The following COL2A1 variants were observed in gnomAD, a reference collection of about 807,000 sequenced individuals.
COL2A1 encodes the protein collagen type II alpha 1 chain, also known as collagen alpha-1(II) chain.
COL2A1 carries 28 observed loss-of-function variants against 204.5 expected under a neutral mutation model. The ratio of observed to expected loss-of-function variants is 0.14; its 90% CI spans 0.10 to 0.19. The LOEUF (loss-of-function observed/expected upper bound fraction) is 0.19. COL2A1 is among the 10% of genes least tolerant of loss of function. The pLI, the probability that COL2A1 is intolerant of heterozygous loss-of-function variation, is 1.00. For missense variants in COL2A1, 1,388 were observed against 2,027.5 expected, an observed-to-expected ratio of 0.68 and a Z score of 6.06; for synonymous variants, 708 against 718.7, an observed-to-expected ratio of 0.99 and a Z score of 0.24.
At chr12:47,996,079 G>A (rs537115948) in intron 8 of COL2A1, among the ~76,000 whole-genome samples, 160 bp from the exon 9 acceptor site, 67 of 152,226 alleles carry the variant, frequency 4.4e-4, no homozygotes, top group Admixed American at 4.6e-4. Context: ...CACTCCCCAC[G>A]CAACACTCTA....
At chr12:47,996,952 C>A (rs188054003) in intron 7 of COL2A1, among the ~76,000 whole-genome samples, 1 of 152,136 alleles carries the variant, frequency 6.6e-6, no homozygotes, top group Non-Finnish European at 1.5e-5. Context: ...CATAACCAAA[C>A]CTTCTAAGGG....
intron 30 of COL2A1, 35 bp from the exon 31 acceptor site, chr12:47,983,473 T>G: frequency 6.2e-7 from 1 of 1,604,232 alleles, no homozygotes; most frequent in Non-Finnish European, 8.5e-7. Context: ...AGCAAAGGAG[T>G]GAGTTTGCTG....
In COL2A1 at chr12:47,979,495, C is replaced by G. The variant is rs1938916640; in HGVS notation, c.2733+16G>C. 6.2e-7 allele frequency: 1 copy of G among 1,613,520 alleles called. No homozygotes were observed. The highest frequency in any genetic ancestry group is 8.5e-7 in the Non-Finnish European group (1 of 1,179,898). ...CCATGCCTGCCTGTGCCTCTCATGC[C>G]AGGAGCATCACTTACATTGGAGCCT... On this transcript the variant is annotated intron_variant, in intron 41 of 53. Coordinates refer to ENST00000380518, the MANE Select transcript of COL2A1 (RefSeq NM_001844.5).
In COL2A1 at chr12:48,004,225, G is replaced by A. The variant is rs1940367755; in HGVS notation, c.85+12C>T. The A allele has an allele frequency of 1.3e-6, 2 of 1,538,514 alleles. No homozygotes were observed. The highest frequency in any genetic ancestry group is 1.4e-5 in the African/African-American group (1 of 72,770). On this transcript the variant is annotated intron_variant, in intron 1 of 53. Coordinates refer to ENST00000380518, the MANE Select transcript of COL2A1 (RefSeq NM_001844.5). ...AAAGCAGGCAGGCAGGCAGGGGCGG[G>A]GGAAGACTTACGGACATCCTGGCCC...
At chr12:48,001,620 G>A (rs909578381) in intron 1 of COL2A1, among the ~76,000 whole-genome samples, 1 of 152,202 alleles carries the variant, frequency 6.6e-6, no homozygotes, top group Non-Finnish European at 1.5e-5. Context: ...AGGGCGGCCC[G>A]GGAAGCGCCG....
chr12:47,998,441 A>G lies in COL2A1; in HGVS notation c.293-10T>C, dbSNP rs2226945. ...TTTGGTCCTGGTTGCCCTGCAAGGG[A>G]AAAAATATAGAGAAGAAGAAGGTAA... On this transcript the variant is annotated splice_polypyrimidine_tract_variant and intron_variant, in intron 2 of 53. Coordinates refer to ENST00000380518, the MANE Select transcript of COL2A1 (RefSeq NM_001844.5). 1.9e-6 allele frequency: 3 copies of G among 1,610,024 alleles called. No homozygotes were observed. The highest frequency in any genetic ancestry group is 2.5e-6 in the Non-Finnish European group (3 of 1,177,220).
intron 16 of COL2A1, 49 bp from the exon 17 acceptor site, chr12:47,989,854 C>T (rs1277449213): frequency 2.5e-5 from 39 of 1,566,630 alleles, no homozygotes; most frequent in Admixed American, 1.2e-4. Flanking sequence ...AGGCCCTGTC[C>T]GTCCCTGCTC....
In COL2A1 at chr12:47,992,934, G is replaced by A; in HGVS notation, c.970-3C>T. On this transcript the variant is annotated splice_polypyrimidine_tract_variant and splice_region_variant and intron_variant, in intron 15 of 53. Transcript: ENST00000380518. ...TCACCAGGCAGGCCACGAGGACCCTGGAACACACACCAGGACAGCCTAAGC... is the reference window on the plus strand; with the variant it reads ...TCACCAGGCAGGCCACGAGGACCCTAGAACACACACCAGGACAGCCTAAGC... 3.1e-6 allele frequency: 5 copies of A among 1,614,208 alleles called. No homozygotes were observed. The highest frequency in any genetic ancestry group is 2.2e-5 in the East Asian group (1 of 44,890).
rs1329936485 is a variant in COL2A1, at chr12:47,976,153, C to G, written c.3490-83G>C. ...CGCTGGGGCTGGGTAGGTGGCTGTC[C>G]TGATAGCACCAGCCACTCCGCCCCC... On this transcript the variant is annotated intron_variant, in intron 49 of 53. Coordinates refer to ENST00000380518, the MANE Select transcript of COL2A1 (RefSeq NM_001844.5). This position sits in a 1 kb window ranked among gnomAD's most constrained non-coding sequence, Gnocchi z 4.3. 2.0e-5 allele frequency: 19 copies of G among 943,402 alleles called. No homozygotes were observed. The highest frequency in any genetic ancestry group is 1.8e-6 in the Non-Finnish European group (1 of 570,924). 58.4% of individuals were successfully genotyped at this position (943,402 alleles called of 1,614,324 possible).
chr12:47,977,430 G>A lies in COL2A1; in HGVS notation c.3166-3C>T, dbSNP rs937072086. ...GCACCAGTCTCACCACGATCACCCT[G>A]TCAGGAGAGAGGTCTCAGGCTCAGA... On this transcript the variant is annotated splice_region_variant and splice_polypyrimidine_tract_variant and intron_variant, in intron 45 of 53. Transcript: ENST00000380518. 1.2e-6 allele frequency: 2 copies of A among 1,611,126 alleles called. No individual in the cohort carries two copies. Among genetic ancestry groups the A allele is most frequent in the East Asian group, 4.5e-5 (2 of 44,854 alleles).
chr12:47,981,492 G>T (rs1222149831), intron 36 of COL2A1, 96 bp from the exon 37 acceptor site: 3 of 1,114,590 alleles, frequency 2.7e-6, no homozygotes, highest in East Asian at 5.1e-5. Context: ...CTCGTGGGAA[G>T]GGGGCTCCAG....
chr12:47,976,670 C>T lies in COL2A1; in HGVS notation c.3436-103G>A. ...TTTATGTCCCAGCCCCATTCCCTTT[C>T]CACTTCCTCCTCCCTCCAGCCCTGA... On this transcript the variant is annotated intron_variant, in intron 48 of 53. Transcript: ENST00000380518. This position sits in a 1 kb window ranked among gnomAD's most constrained non-coding sequence, Gnocchi z 4.3. The T allele has an allele frequency of 7.2e-7, 1 of 1,389,080 alleles. No homozygotes were observed. 86.0% of individuals were successfully genotyped at this position (1,389,080 alleles called of 1,614,324 possible).
Position 48,004,447 on chromosome 12 carries a change from G to C in COL2A1, c.-126C>G, listed in dbSNP as rs944198151. The C allele has an allele frequency of 1.7e-6, 1 of 592,814 alleles. No individual in the cohort carries two copies. The highest frequency in any genetic ancestry group is 3.0e-6 in the Non-Finnish European group (1 of 333,492). 36.7% of individuals were successfully genotyped at this position (592,814 alleles called of 1,614,324 possible). ...GGCCCTTGGAGCAGGAGGGGGAAGC[G>C]GGAGACCCGGCAGCCCAGCAGCGCT... On this transcript the variant is annotated 5_prime_UTR_variant, in exon 1 of 54. Transcript: ENST00000380518.
chr12:47,996,566 T>A lies in COL2A1; in HGVS notation c.591A>T (p.Gly197=), dbSNP rs747274874. 4.3e-6 allele frequency: 7 copies of A among 1,614,034 alleles called. No homozygotes were observed. In the South Asian group the frequency reaches 5.5e-5, roughly 13 times the overall value. The part of the protein sequence containing the change: ...FDEKAGGAQL[G]VMQGPMGPMG... ...TTCTTACCATTGGTCCTTGCATTAC[T>A]CCCAACTGGGCGCCACCAGCCTTTT... is the stretch of plus-strand genomic sequence containing the variant. Residue 197 remains glycine (G), a synonymous_variant, in exon 8 of 54, where the codon GGA becomes GGT. Transcript: ENST00000380518.
rs533666568 is a variant in COL2A1, at chr12:47,989,169, C to T, written c.1122+59G>A. 6.3e-5 allele frequency: 91 copies of T among 1,439,232 alleles called. No homozygotes were observed. The East Asian group carries it at 7.4e-4, about 12-fold the overall frequency. 89.2% of individuals were successfully genotyped at this position (1,439,232 alleles called of 1,614,324 possible). On this transcript the variant is annotated intron_variant, in intron 18 of 53. Transcript: ENST00000380518. Reference sequence around the variant, plus strand: ...TTGAGGGAGCAATGAGCAAGGGTTACGGGGAAAGGACAGCTTCTCGGCACC... The same window carrying T: ...TTGAGGGAGCAATGAGCAAGGGTTATGGGGAAAGGACAGCTTCTCGGCACC...
chr12:47,995,429 G>A (rs1454974884), intron 10 of COL2A1, 121 bp from the exon 11 acceptor site: 3 of 942,318 alleles, frequency 3.2e-6, no homozygotes, highest in East Asian at 4.8e-5. Context: ...AAGATGGGAA[G>A]GTCAGAGCAA....
chr12:47,987,071 C>T lies in COL2A1; in HGVS notation c.1365+7G>A, dbSNP rs1248729201. The T allele has an allele frequency of 1.9e-6, 3 of 1,613,574 alleles. No individual in the cohort carries two copies. The highest frequency in any genetic ancestry group is 1.7e-6 in the Non-Finnish European group (2 of 1,179,630). ...AGTGGAACTTGGGGGTCACTTTGGG[C>T]TCTTACCGTCTGACCTTTCGGGCCC... On this transcript the variant is annotated splice_region_variant and intron_variant, in intron 21 of 53. Transcript: ENST00000380518. The surrounding 1 kb of genome is among the most constrained non-coding windows in gnomAD (Gnocchi z 4.1).
In COL2A1 at chr12:47,974,126, C is replaced by T. The variant is rs755779435; in HGVS notation, c.4280G>A (p.Ser1427Asn). 1 of 1,613,976 alleles carries T rather than the reference C, an allele frequency of 6.2e-7. No homozygotes were observed. Among genetic ancestry groups the T allele is most frequent in the Non-Finnish European group, 8.5e-7 (1 of 1,179,966 alleles). ...NDVEIRAEGN[S>N]RFTYTALKDG... ...CTTCAGGGCAGTGTACGTGAACCTG[C>T]TATTGCCCTCTGCCCGGATCTCCAC... Residue 1427 changes from serine to asparagine, a missense_variant, in exon 53 of 54, where the codon AGC becomes AAC. Physicochemically the swap from Ser to Asn is conservative, Grantham distance 46 (BLOSUM62 1). Around this residue, in one of 3 missense-constraint regions of COL2A1, gnomAD observed 303 missense variants for 369.2 expected, o/e 0.82. Coordinates refer to ENST00000380518, the MANE Select transcript of COL2A1 (RefSeq NM_001844.5).
At chr12:47,996,029 G>A in intron 8 of COL2A1, 110 bp from the exon 9 acceptor site, 1 of 864,618 alleles carries the variant, frequency 1.2e-6, no homozygotes, top group South Asian at 1.4e-5. Flanking sequence ...AAGTTACTCT[G>A]TGGGCAAGGG....
Sources: allele counts gnomAD v4.1 joint callset (sites outside exome capture counted in the v4.1 genomes callset), GRCh38; gene constraint gnomAD v4.1.1; regional missense constraint gnomAD v4.1.1; non-coding constraint Gnocchi (gnomAD v3.1); transcripts MANE v1.5; gene names NCBI Gene and HGNC (gene_info 2026-07-23, HGNC 2026-07-21).